The following TMEM245 variants were observed in gnomAD, a reference collection of about 807,000 sequenced individuals.
TMEM245 encodes the protein protein CG-2.
A neutral mutation model predicts 101.2 loss-of-function variants in TMEM245; 69 were observed. That is an observed-to-expected ratio of 0.68 (90% CI 0.56 to 0.83). The LOEUF is 0.83. Among genes scored for constraint, TMEM245 ranks in the 40% least tolerant of loss-of-function variants. The probability of loss-of-function intolerance (pLI) is 0.00; values close to 1 mark genes in which losing one functional copy is unlikely to be tolerated. For synonymous variants in TMEM245, 537 were observed against 449.8 expected (o/e 1.19, Z -2.45); for missense variants, 1,075 against 1,092.8 (o/e 0.98, Z 0.23).
chr9:109,052,280 T>A (rs559533872), intron 12 of TMEM245, among the ~76,000 whole-genome samples: 7 of 152,318 alleles, frequency 4.6e-5, no homozygotes, highest in Admixed American at 1.3e-4. Flanking sequence ...AACGAAGAAA[T>A]GCAGATGATA....
intron 7 of TMEM245, among the ~76,000 whole-genome samples, chr9:109,082,649 TA>T (rs1280219524): frequency 9.3e-6 from 1 of 107,896 alleles, no homozygotes; most frequent in Non-Finnish European, 2.0e-5. Flanking sequence ...GTAGAGCCTC[TA>T]TTTTTTTTTT....
Position 109,086,024 on chromosome 9 carries a change from G to C in TMEM245, c.1321-4C>G. 1 of 1,613,506 alleles carries C rather than the reference G, an allele frequency of 6.2e-7. No homozygotes were observed. Among genetic ancestry groups the C allele is most frequent in the Non-Finnish European group, 8.5e-7 (1 of 1,179,908 alleles). ...TCTTATTTAGCCAGTGCCAGAGCTT[G>C]AGGATAGGGGGTAAGGTGAGAAAGA... On this transcript the variant is annotated splice_polypyrimidine_tract_variant and splice_region_variant and intron_variant, in intron 6 of 17. Transcript: ENST00000374586.
In TMEM245 at chr9:109,087,303, A is replaced by C. The variant is rs776757646; in HGVS notation, c.1190T>G (p.Val397Gly). 3.7e-6 allele frequency: 6 copies of C among 1,612,172 alleles called. No homozygotes were observed. The African/African-American group carries it at 8.0e-5, about 22-fold the overall frequency. ...LKKLVIHFGV[V>G]DFLEKRYHVW... is the part of the protein sequence containing the mutation. Reference sequence around the variant, plus strand: ...ATGGTAGCGTTTCTCTAGGAAATCCACAACTCCAAAGTGAATGACAAGCTT... The same window carrying C: ...ATGGTAGCGTTTCTCTAGGAAATCCCCAACTCCAAAGTGAATGACAAGCTT... Residue 397 changes from valine to glycine, a missense_variant, in exon 6 of 18, where the codon GTG (valine) becomes GGG (glycine). Around this residue, in one of 2 missense-constraint regions of TMEM245, gnomAD observed 808 missense variants for 741.5 expected, o/e 1.09. Coordinates refer to ENST00000374586, the MANE Select transcript of TMEM245 (RefSeq NM_032012.4).
intron 17 of TMEM245, among the ~76,000 whole-genome samples, chr9:109,026,580 A>C (rs76664144): frequency 5.0e-5 from 7 of 139,494 alleles, no homozygotes; most frequent in African/African-American, 1.3e-4. Context: ...GCCATGAAAG[A>C]AAAAAAAAAG....
At chr9:109,053,221 T>TCAG (rs1828737717) in intron 12 of TMEM245, among the ~76,000 whole-genome samples, 1 of 151,700 alleles carries the variant, frequency 6.6e-6, no homozygotes, top group Non-Finnish European at 1.5e-5. Context: ...AAGCCAGGAG[T>TCAG]TTGAGACCAG....
chr9:109,102,741 A>G (rs2132622427), intron 3 of TMEM245, among the ~76,000 whole-genome samples: 1 of 152,342 alleles, frequency 6.6e-6, no homozygotes, highest in East Asian at 1.9e-4. Flanking sequence ...TCCTAACTTT[A>G]CTGCAACACA....
rs1368801722 is a variant in TMEM245 at position 109,093,490 on chromosome 9, A to T, written c.901T>A (p.Ser301Thr). 6.2e-7 allele frequency: 1 copy of T among 1,613,470 alleles called. No homozygotes were observed. The highest frequency in any genetic ancestry group is 8.5e-7 in the Non-Finnish European group (1 of 1,179,788). Residue 301 changes from serine (S) to threonine (T), a missense_variant, in exon 4 of 18, where the codon TCC (serine) becomes ACC (threonine). Physicochemically the swap from Ser to Thr is moderately conservative, Grantham distance 58. This residue lies in a region of TMEM245 where 808 missense variants were observed against 741.5 expected (regional missense o/e 1.09). Coordinates refer to ENST00000374586, the MANE Select transcript of TMEM245 (RefSeq NM_032012.4). Reference protein sequence around the residue: ...GYESSSEDQPSTQPAEAVDRG... With the variant: ...GYESSSEDQPTTQPAEAVDRG... ...CATCAGTCACCTGCAGGCTGAGTGG[A>T]GGGCTGGTCTTCACTGCTTGATTCA...
chr9:109,050,764 T>C, intron 12 of TMEM245, 72 bp from the exon 13 acceptor site: 1 of 1,565,446 alleles, frequency 6.4e-7, no homozygotes, highest in Admixed American at 1.8e-5. Context: ...TCTAGTGTGC[T>C]TTTAATACAG....
At chr9:109,077,796 C>T (rs1829555302) in intron 8 of TMEM245, among the ~76,000 whole-genome samples, 1 of 152,180 alleles carries the variant, frequency 6.6e-6, no homozygotes, top group Non-Finnish European at 1.5e-5. Context: ...TATCAACCTT[C>T]CTGTGACTGA....
intron 7 of TMEM245, among the ~76,000 whole-genome samples, chr9:109,082,365 G>C (rs977304085): frequency 5.3e-5 from 8 of 152,158 alleles, no homozygotes; most frequent in Non-Finnish European, 7.4e-5. Flanking sequence ...AGGTTTCTAA[G>C]ATATGGAAGG....
At chr9:109,037,502 T>A (rs1828166869) in intron 15 of TMEM245, among the ~76,000 whole-genome samples, 1 of 152,192 alleles carries the variant, frequency 6.6e-6, no homozygotes, top group Non-Finnish European at 1.5e-5. Flanking sequence ...CGGGTGGATT[T>A]CACCCCTAGG....
Position 109,060,469 on chromosome 9 carries a change from A to G in TMEM245, c.1624-17T>C. ...TTTATGGAGCTAGAAAAAAACACAG[A>G]TACGACGTGGTACAATATTTCAGGC... On this transcript the variant is annotated splice_polypyrimidine_tract_variant and intron_variant, in intron 10 of 17. Coordinates refer to ENST00000374586, the MANE Select transcript of TMEM245 (RefSeq NM_032012.4). 2 of 1,549,596 alleles carry G rather than the reference A, an allele frequency of 1.3e-6. No homozygotes were observed. Among genetic ancestry groups the G allele is most frequent in the Non-Finnish European group, 1.8e-6 (2 of 1,124,206 alleles).
chr9:109,072,574 CCTTT>C (rs1248908939), intron 9 of TMEM245, among the ~76,000 whole-genome samples: 3 of 152,220 alleles, frequency 2.0e-5, no homozygotes, highest in African/African-American at 4.8e-5. Flanking sequence ...TCTTCTCATT[CCTTT>C]GTCGCCACCG....
At chr9:109,040,132 C>T (rs1478610204) in intron 14 of TMEM245, among the ~76,000 whole-genome samples, 2 of 152,150 alleles carry the variant, frequency 1.3e-5, no homozygotes, top group Non-Finnish European at 2.9e-5. Flanking sequence ...TTTAAATGCA[C>T]TGTATATTGT....
At chr9:109,071,868 C>T (rs1440564113) in intron 9 of TMEM245, among the ~76,000 whole-genome samples, 2 of 152,140 alleles carry the variant, frequency 1.3e-5, no homozygotes, top group Non-Finnish European at 1.5e-5. Context: ...CTTCCAGAAG[C>T]CAAATTACAC....
At position 109,054,622 on chromosome 9, in the gene TMEM245, C is replaced by CAA. The variant is rs565512716; in HGVS notation, c.1854+2567_1854+2568dup. Among the ~76,000 whole-genome samples, 138 of 150,534 alleles carry CAA rather than the reference C, an allele frequency of 9.2e-4. 3 individuals are homozygous for CAA. The South Asian group carries it at 0.025, about 28-fold the overall frequency. On this transcript the variant is annotated intron_variant, in intron 12 of 17. Coordinates refer to ENST00000374586, the MANE Select transcript of TMEM245 (RefSeq NM_032012.4). Reference sequence around the variant, plus strand: ...CCTATTTACAACAATATCCAAAAAACAAAAAAAAACTGACAAAGCAAATAA... The same window carrying CAA: ...CCTATTTACAACAATATCCAAAAAACAAAAAAAAAAACTGACAAAGCAAATAA...
At chr9:109,067,276 T>A (rs1829199354) in intron 9 of TMEM245, among the ~76,000 whole-genome samples, 1 of 152,098 alleles carries the variant, frequency 6.6e-6, no homozygotes, top group South Asian at 2.1e-4. Flanking sequence ...TCAAGAGACA[T>A]GGGGCCAGAA....
At chr9:109,066,839 T>C (rs1454235891) in intron 9 of TMEM245, among the ~76,000 whole-genome samples, 3 of 151,956 alleles carry the variant, frequency 2.0e-5, no homozygotes, top group Non-Finnish European at 4.4e-5. Flanking sequence ...GTGGATCACC[T>C]GAGGTCAGTA....
intron 10 of TMEM245, among the ~76,000 whole-genome samples, chr9:109,061,734 A>C (rs1829019697): frequency 6.6e-6 from 1 of 151,754 alleles, no homozygotes; most frequent in African/African-American, 2.4e-5. Flanking sequence ...ACACCCAGTT[A>C]ATTTTTGTAT....
Sources: gnomAD v4.1 joint callset for allele counts (sites outside exome capture counted in the v4.1 genomes callset) on GRCh38, gnomAD v4.1.1 for gene constraint, gnomAD v4.1.1 regional missense constraint, MANE v1.5 for transcripts, NCBI Gene and HGNC (gene_info 2026-07-23, HGNC 2026-07-21) for gene names.